The following PIK3CD variants were observed in gnomAD, a reference collection of about 807,000 sequenced individuals.
PIK3CD encodes the protein phosphatidylinositol-4,5-bisphosphate 3-kinase catalytic subunit delta, also known as phosphatidylinositol 4,5-bisphosphate 3-kinase catalytic subunit delta isoform.
Under a neutral mutation model 122.9 loss-of-function variants are expected in PIK3CD, and 20 were observed. The observed-to-expected ratio is 0.16, with a 90% confidence interval of 0.11 to 0.24. The LOEUF is 0.24. Among genes scored for constraint, PIK3CD ranks in the 10% least tolerant of loss-of-function variants. The probability of loss-of-function intolerance (pLI) is 1.00; values close to 1 mark genes in which losing one functional copy is unlikely to be tolerated. For synonymous variants in PIK3CD, 596 were observed against 593.4 expected, an observed-to-expected ratio of 1.00 and a Z score of -0.06; for missense variants, 787 against 1,406.3, an observed-to-expected ratio of 0.56 and a Z score of 7.04.
chr1:9,723,028 G>A lies in PIK3CD; in HGVS notation c.2427-97G>A. ...AGCAATGTGGGCAGCAGCATCTTCTGTGGCTTTTTGGGGCACCATGAGTTT... is the reference window on the plus strand; with the variant it reads ...AGCAATGTGGGCAGCAGCATCTTCTATGGCTTTTTGGGGCACCATGAGTTT... On this transcript the variant is annotated intron_variant, in intron 19 of 23. Transcript: ENST00000377346. The surrounding 1 kb of genome is among the most constrained non-coding windows in gnomAD (Gnocchi z 4.9). 8.1e-7 allele frequency: 1 copy of A among 1,231,528 alleles called. No individual in the cohort carries two copies. The highest frequency in any genetic ancestry group is 1.2e-6 in the Non-Finnish European group (1 of 836,202). The allele number at this position is 1,231,528 out of a possible 1,614,324, so 76.3% of individuals were successfully genotyped here. A position where few individuals can be genotyped will look rare whatever the true frequency, so the allele number is the denominator to read the frequency against.
At chr1:9,649,282 G>A (rs572349091), upstream of PIK3CD, among the ~76,000 whole-genome samples, 5 of 151,322 alleles carry the variant, frequency 3.3e-5, no homozygotes, top group Non-Finnish European at 5.9e-5. Flanking sequence ...CCAGGCTGGA[G>A]TGCAGTGGCA....
At chr1:9,726,286 A>G (rs1056271860) in intron 23 of PIK3CD, among the ~76,000 whole-genome samples, 1 of 152,096 alleles carries the variant, frequency 6.6e-6, no homozygotes, top group Non-Finnish European at 1.5e-5. Context: ...AGGCGGGTGA[A>G]TCATGAGGTC....
At chr1:9,655,697 C>CTTTTTTTTTTTT (rs576002642) in intron 1 of PIK3CD, among the ~76,000 whole-genome samples, 1 of 120,758 alleles carries the variant, frequency 8.3e-6, no homozygotes, top group Admixed American at 9.2e-5. Context: ...CTTTTTTCTT[C>CTTTTTTTTTTTT]TTTTTTTTTT....
rs201273776 is a variant in PIK3CD at position 9,715,741 on chromosome 1, C to G, written c.342C>G (p.Asn114Lys). Residue 114 changes from asparagine to lysine, a missense_variant, in exon 4 of 24, where the codon AAC becomes AAG. Physicochemically the swap from Asn to Lys is moderately conservative, Grantham distance 94. This residue lies in a region of PIK3CD where 592 missense variants were observed against 920.6 expected (regional missense o/e 0.64). Transcript: ENST00000377346. The surrounding 1 kb of genome is among the most constrained non-coding windows in gnomAD (Gnocchi z 4.1). ...GCGACCGCGTGAAGAAGCTCATCAA[C>G]TCACAGATCAGCCTCCTCATCGGCA... is the stretch of plus-strand genomic sequence containing the variant. ...REGDRVKKLI[N>K]SQISLLIGKG... is the part of the protein sequence containing the mutation. 5 of 1,613,440 alleles carry G rather than the reference C, an allele frequency of 3.1e-6. No homozygotes were observed. The highest frequency in any genetic ancestry group is 4.2e-6 in the Non-Finnish European group (5 of 1,180,010).
At chr1:9,627,736 C>G in the PIK3CD span, among the ~76,000 whole-genome samples, 1 of 152,206 alleles carries the variant, frequency 6.6e-6, no homozygotes, top group Admixed American at 6.5e-5. Flanking sequence ...CCTCCCTTAT[C>G]GCGGCCACCT....
the PIK3CD span, among the ~76,000 whole-genome samples, chr1:9,640,610 C>G: frequency 6.6e-6 from 1 of 151,724 alleles, no homozygotes; most frequent in African/African-American, 2.4e-5. Flanking sequence ...AAACGAAAAT[C>G]AAGATGCTGG....
At chr1:9,716,748 G>A in intron 6 of PIK3CD, 129 bp downstream of exon 6, 1 of 1,180,560 alleles carries the variant, frequency 8.5e-7, no homozygotes, top group Non-Finnish European at 1.2e-6. Context: ...CACCGCCAGA[G>A]CATCCCCTGG....
intron 23 of PIK3CD, among the ~76,000 whole-genome samples, chr1:9,726,043 C>G (rs1379348406): frequency 1.3e-5 from 2 of 151,918 alleles, no homozygotes; most frequent in Admixed American, 6.6e-5. Flanking sequence ...GAAACCACAT[C>G]TCTACTTAAA....
chr1:9,634,257 G>A, the PIK3CD span, among the ~76,000 whole-genome samples: 2 of 149,124 alleles, frequency 1.3e-5, no homozygotes, highest in South Asian at 2.1e-4. Context: ...AGGTTCAAGC[G>A]ATTCTCCTCA....
the PIK3CD span, among the ~76,000 whole-genome samples, chr1:9,632,650 A>C: frequency 6.6e-6 from 1 of 152,132 alleles, no homozygotes; most frequent in African/African-American, 2.4e-5. Flanking sequence ...GGGTTGGGTC[A>C]ATTGAACATT....
At chr1:9,682,308 C>T (rs187655742) in intron 1 of PIK3CD, among the ~76,000 whole-genome samples, 2 of 152,156 alleles carry the variant, frequency 1.3e-5, no homozygotes, top group East Asian at 1.9e-4. Context: ...AGTGCAGTGG[C>T]GCCATCTCAG....
intron 2 of PIK3CD, among the ~76,000 whole-genome samples, chr1:9,701,008 TCCTC>T (rs575364385): frequency 2.6e-5 from 4 of 152,050 alleles, no homozygotes; most frequent in African/African-American, 7.2e-5. Context: ...CTACTCCCCT[TCCTC>T]CCTGCTTCTC....
At chr1:9,643,476 G>T in the PIK3CD span, among the ~76,000 whole-genome samples, 1 of 125,404 alleles carries the variant, frequency 8.0e-6, no homozygotes, top group African/African-American at 3.0e-5. Flanking sequence ...GGGAAGGAAG[G>T]GAGGGAGGGA....
chr1:9,713,567 TG>T lies in PIK3CD; in HGVS notation c.142-1973del, dbSNP rs1647140898. Reference sequence around the variant, plus strand: ...AGTTAACGGTATAACATTTTATTCATGTTATTAACTTTATATAGATACCATT... The same window carrying T: ...AGTTAACGGTATAACATTTTATTCATTTATTAACTTTATATAGATACCATT... On this transcript the variant is annotated intron_variant, in intron 3 of 23. Coordinates refer to ENST00000377346, the MANE Select transcript of PIK3CD (RefSeq NM_005026.5). Among the ~76,000 whole-genome samples the T allele has an allele frequency of 2.6e-5, 4 of 152,154 alleles. No individual in the cohort carries two copies. The South Asian group carries it at 8.3e-4, about 31-fold the overall frequency.
chr1:9,707,836 C>T (rs551891483), intron 2 of PIK3CD, among the ~76,000 whole-genome samples: 1 of 150,760 alleles, frequency 6.6e-6, no homozygotes, highest in South Asian at 2.1e-4. Context: ...GTCTGTCGCC[C>T]AGGCTAGAGT....
Position 9,680,261 on chromosome 1 carries a change from T to A in PIK3CD, c.-137-11206T>A, listed in dbSNP as rs1181816486. On this transcript the variant is annotated intron_variant, in intron 1 of 23. Transcript: ENST00000377346. ...AAAGTGCTAGGATTACAGGTGTCAG[T>A]CACCAAACCCCGCCTCAGTGGTTTT... Among the ~76,000 whole-genome samples, 4 of 152,084 alleles carry A rather than the reference T, an allele frequency of 2.6e-5. No homozygotes were observed. In the East Asian group the frequency reaches 7.7e-4, roughly 29 times the overall value.
intron 1 of PIK3CD, among the ~76,000 whole-genome samples, chr1:9,676,624 T>A (rs1645548366): frequency 1.3e-5 from 2 of 152,188 alleles, no homozygotes; most frequent in Non-Finnish European, 2.9e-5. Context: ...ACCATCTGGC[T>A]CCAGTGCACT....
At chr1:9,654,084 A>T in intron 1 of PIK3CD, 1 of 1,185,372 alleles carries the variant, frequency 8.4e-7, no homozygotes. Context: ...GAAACATAAT[A>T]CAACAACCCA....
At position 9,728,267 on chromosome 1, in the gene PIK3CD, CTTA is replaced by C. The variant is rs1250152790; in HGVS notation, c.*1222_*1224del. On this transcript the variant is annotated 3_prime_UTR_variant, in exon 24 of 24. Coordinates refer to ENST00000377346, the MANE Select transcript of PIK3CD (RefSeq NM_005026.5). ...GCTGGGATCTTTCTCTCTGACTATA[CTTA>C]GTTTGAAATGGTGCAGGCTTAGTCT... is the stretch of plus-strand genomic sequence containing the variant. 1.3e-5 allele frequency: 2 copies of C among 152,214 alleles called. No individual in the cohort carries two copies. The highest frequency in any genetic ancestry group is 4.8e-5 in the African/African-American group (2 of 41,448). 9.4% of individuals were successfully genotyped at this position (152,214 alleles called of 1,614,324 possible). A position where few individuals can be genotyped will look rare whatever the true frequency, so the allele number is the denominator to read the frequency against.
Sources: allele counts gnomAD v4.1 joint callset (sites outside exome capture counted in the v4.1 genomes callset), GRCh38; gene constraint gnomAD v4.1.1; regional missense constraint gnomAD v4.1.1; non-coding constraint Gnocchi (gnomAD v3.1); transcripts MANE v1.5; gene names NCBI Gene and HGNC (gene_info 2026-07-23, HGNC 2026-07-21).